LRRC4C: variants seen among roughly 807,000 people sequenced by gnomAD.
The protein encoded by LRRC4C is leucine-rich repeat-containing protein 4C.
Under a neutral mutation model 33.6 loss-of-function variants are expected in LRRC4C, and 5 were observed. The ratio of observed to expected loss-of-function variants is 0.15; its 90% CI spans 0.08 to 0.31. The LOEUF is 0.31. LRRC4C is among the 10% of genes least tolerant of loss of function. LRRC4C has a pLI of 1.00. For synonymous variants in LRRC4C, 329 were observed against 302.0 expected (o/e 1.09, Z -0.93); for missense variants, 560 against 796.7 (o/e 0.70, Z 3.58).
At chr11:41,440,704 TA>T (rs1955590559) in intron 1 of LRRC4C, among the ~76,000 whole-genome samples, 1 of 152,124 alleles carries the variant, frequency 6.6e-6, no homozygotes, top group Non-Finnish European at 1.5e-5. Flanking sequence ...GACTGGATCA[TA>T]GGGGCGGATT....
Position 41,034,561 on chromosome 11 carries a change from T to C in LRRC4C, c.-495-100838A>G, listed in dbSNP as rs537440028. 2.8e-5 allele frequency among the ~76,000 whole-genome samples: 4 copies of C among 140,922 alleles called. No homozygotes were observed. The South Asian group carries it at 9.0e-4, about 32-fold the overall frequency. 92.5% of individuals were successfully genotyped at this position (140,922 alleles called of 152,430 possible). On this transcript the variant is annotated intron_variant, in intron 1 of 6. Coordinates refer to ENST00000528697, the MANE Select transcript of LRRC4C (RefSeq NM_001258419.2). ...ATAATATAAATTGGCTAAAACTTCC[T>C]TTTAAAAATTTGTCTTTTGTTGTTT...
chr11:40,570,750 A>G (rs1359129521), intron 3 of LRRC4C, among the ~76,000 whole-genome samples: 1 of 151,928 alleles, frequency 6.6e-6, no homozygotes, highest in African/African-American at 2.4e-5. Flanking sequence ...TTCTAAAGAC[A>G]TTTTTTCTCT....
intron 2 of LRRC4C, among the ~76,000 whole-genome samples, chr11:40,796,605 A>G (rs1950835349): frequency 6.8e-6 from 1 of 147,248 alleles, no homozygotes; most frequent in South Asian, 2.2e-4. Flanking sequence ...TAGCTGGTTT[A>G]GGGAAAACAA....
chr11:40,122,255 A>G (rs1855880243), intron 6 of LRRC4C, among the ~76,000 whole-genome samples: 1 of 152,094 alleles, frequency 6.6e-6, no homozygotes, highest in Non-Finnish European at 1.5e-5. Flanking sequence ...TTTTTAAATT[A>G]AATTAAATTT....
intron 1 of LRRC4C, among the ~76,000 whole-genome samples, chr11:41,419,608 T>C (rs1954806481): frequency 6.6e-6 from 1 of 151,952 alleles, no homozygotes; most frequent in Non-Finnish European, 1.5e-5. Flanking sequence ...TTCAAGTTTT[T>C]AATGACAATA....
At chr11:41,450,804 A>T (rs747086382) in intron 1 of LRRC4C, among the ~76,000 whole-genome samples, 12 of 152,114 alleles carry the variant, frequency 7.9e-5, no homozygotes, top group South Asian at 2.1e-4. Context: ...CTCTATTAGC[A>T]CTGATATATG....
At chr11:40,446,580 T>A (rs1951645696) in intron 3 of LRRC4C, 1 of 152,156 alleles carries the variant, frequency 6.6e-6, no homozygotes, top group South Asian at 2.1e-4. Context: ...GTTTTGGCAG[T>A]GTATTAGTCT....
intron 2 of LRRC4C, among the ~76,000 whole-genome samples, chr11:40,697,961 G>T: frequency 6.6e-6 from 1 of 151,604 alleles, no homozygotes; most frequent in Non-Finnish European, 1.5e-5. Flanking sequence ...CCAGCTACAG[G>T]GGAGGCTGAG....
At chr11:40,794,893 G>A (rs112911223) in intron 2 of LRRC4C, among the ~76,000 whole-genome samples, 334 of 152,162 alleles carry the variant, frequency 2.2e-3, no homozygotes, top group African/African-American at 7.8e-3. Context: ...TCAAGGTTTG[G>A]GCAGGTGACA....
Position 40,166,631 on chromosome 11 carries a change from T to C in LRRC4C, c.-95-25778A>G, listed in dbSNP as rs913278689. ...AAAGCCTCACATAGTATCAGGCAAC[T>C]ATGATGATCGAATAGGAGAATGCAT... On this transcript the variant is annotated intron_variant, in intron 5 of 6. Coordinates refer to ENST00000528697, the MANE Select transcript of LRRC4C (RefSeq NM_001258419.2). Among the ~76,000 whole-genome samples the C allele has an allele frequency of 2.0e-5, 3 of 152,218 alleles. No homozygotes were observed. The South Asian group carries it at 6.2e-4, about 32-fold the overall frequency.
chr11:41,284,484 G>T (rs1949762738), intron 1 of LRRC4C, among the ~76,000 whole-genome samples: 1 of 152,102 alleles, frequency 6.6e-6, no homozygotes, highest in South Asian at 2.1e-4. Flanking sequence ...TTGGAAGTGG[G>T]AGAAGACAAG....
At chr11:41,297,060 A>G (rs1591188386) in intron 1 of LRRC4C, among the ~76,000 whole-genome samples, 1 of 152,200 alleles carries the variant, frequency 6.6e-6, no homozygotes, top group South Asian at 2.1e-4. Flanking sequence ...CTTTTCTTCT[A>G]TATCAAAACG....
At chr11:40,260,543 T>C (rs2136251649) in intron 4 of LRRC4C, among the ~76,000 whole-genome samples, 1 of 148,946 alleles carries the variant, frequency 6.7e-6, no homozygotes, top group African/African-American at 2.6e-5. Flanking sequence ...ACCCTAAAAC[T>C]TAAAGTAAAA....
intron 1 of LRRC4C, among the ~76,000 whole-genome samples, chr11:41,272,326 T>C (rs550224795): frequency 1.3e-5 from 2 of 152,182 alleles, no homozygotes; most frequent in East Asian, 1.9e-4. Flanking sequence ...TTCACTTGGG[T>C]AAATTTAATT....
At chr11:41,399,153 C>G (rs1326065028) in intron 1 of LRRC4C, among the ~76,000 whole-genome samples, 1 of 151,938 alleles carries the variant, frequency 6.6e-6, no homozygotes, top group Non-Finnish European at 1.5e-5. Context: ...GTCTATATAA[C>G]AGAAAACCTG....
chr11:41,340,709 T>C (rs1028974967), intron 1 of LRRC4C, among the ~76,000 whole-genome samples: 1 of 152,136 alleles, frequency 6.6e-6, no homozygotes, highest in Non-Finnish European at 1.5e-5. Flanking sequence ...GTTTTCTCCT[T>C]TAGAAAATAA....
intron 1 of LRRC4C, among the ~76,000 whole-genome samples, chr11:41,350,569 T>C (rs1429110089): frequency 1.3e-5 from 2 of 148,410 alleles, no homozygotes; most frequent in Non-Finnish European, 3.0e-5. Context: ...ATATAGACCA[T>C]GATAAAAATG....
intron 4 of LRRC4C, among the ~76,000 whole-genome samples, chr11:40,309,965 G>A (rs750383777): frequency 7.9e-5 from 12 of 152,142 alleles, no homozygotes; most frequent in Non-Finnish European, 1.5e-4. Context: ...CCTGGAGTCA[G>A]GGGAATAAAA....
Position 41,231,808 on chromosome 11 carries a change from T to C in LRRC4C, c.-496+227623A>G, listed in dbSNP as rs1303721825. ...GTATATATATGTATATATACAAATA[T>C]ATGTAGATATACACATATATGTATA... On this transcript the variant is annotated intron_variant, in intron 1 of 6. Transcript: ENST00000528697. Among the ~76,000 whole-genome samples, 8 of 151,840 alleles carry C rather than the reference T, an allele frequency of 5.3e-5. No homozygotes were observed. The South Asian group carries it at 1.0e-3, about 20-fold the overall frequency.
Sources: gnomAD v4.1 joint callset for allele counts (sites outside exome capture counted in the v4.1 genomes callset) on GRCh38, gnomAD v4.1.1 for gene constraint, MANE v1.5 for transcripts, NCBI Gene and HGNC (gene_info 2026-07-23, HGNC 2026-07-21) for gene names.